FBLN5: variants seen among roughly 807,000 people sequenced by gnomAD.
The protein encoded by FBLN5 is fibulin 5.
A neutral mutation model predicts 61.6 loss-of-function variants in FBLN5; 24 were observed. The observed-to-expected ratio is 0.39, with a 90% CI of 0.28 to 0.55. FBLN5 has a LOEUF of 0.55. Ranked by LOEUF, FBLN5 falls within the 20% of genes least tolerant of loss-of-function variation. The probability of loss-of-function intolerance (pLI) is 0.65; values close to 1 mark genes in which losing one functional copy is unlikely to be tolerated. For missense variants in FBLN5, 470 were observed against 594.1 expected, an observed-to-expected ratio of 0.79 and a Z score of 2.17; for synonymous variants, 213 against 219.8, an observed-to-expected ratio of 0.97 and a Z score of 0.27.
At chr14:91,934,095 A>G (rs1252799805) in intron 4 of FBLN5, among the ~76,000 whole-genome samples, 1 of 152,100 alleles carries the variant, frequency 6.6e-6, no homozygotes, top group Non-Finnish European at 1.5e-5. Flanking sequence ...AGTCCCAGCT[A>G]CTTGGGAGGC....
intron 9 of FBLN5, chr14:91,878,169 G>A (rs377474572): frequency 3.3e-6 from 1 of 306,270 alleles, no homozygotes; most frequent in Admixed American, 4.7e-5. Context: ...TTACTGAATC[G>A]AATATAATCA....
chr14:91,914,681 A>G (rs370559801), intron 4 of FBLN5, among the ~76,000 whole-genome samples: 1 of 152,020 alleles, frequency 6.6e-6, no homozygotes, highest in African/African-American at 2.4e-5. Context: ...CAAAACATAG[A>G]AAGAAAAGAA....
At chr14:91,937,737 G>A (rs1310607322) in intron 3 of FBLN5, among the ~76,000 whole-genome samples, 3 of 152,138 alleles carry the variant, frequency 2.0e-5, no homozygotes, top group East Asian at 1.9e-4. Context: ...CTCACCAGAT[G>A]GAGATCCTCA....
At chr14:91,936,870 T>A (rs559403924) in intron 4 of FBLN5, 77 bp downstream of exon 4, 1 of 1,555,770 alleles carries the variant, frequency 6.4e-7, no homozygotes, top group East Asian at 2.2e-5. Context: ...AACAACCCAT[T>A]TGTGGTGAGC....
At chr14:91,946,911 C>G (rs540746468) in intron 1 of FBLN5, 10 of 1,461,018 alleles carry the variant, frequency 6.8e-6, no homozygotes, top group Non-Finnish European at 9.0e-6. Flanking sequence ...TCCCTTAAAA[C>G]GACAAAGTTG....
At chr14:91,872,701 C>T (rs887095841) in intron 10 of FBLN5, among the ~76,000 whole-genome samples, 2 of 152,170 alleles carry the variant, frequency 1.3e-5, no homozygotes, top group Admixed American at 6.5e-5. Context: ...CTCCTGTTCC[C>T]GTCAGCATCC....
intron 4 of FBLN5, among the ~76,000 whole-genome samples, chr14:91,920,933 A>G (rs2055722648): frequency 6.6e-6 from 1 of 152,198 alleles, no homozygotes; most frequent in African/African-American, 2.4e-5. Flanking sequence ...ACCCAACTCC[A>G]ATCTGGCAAA....
intron 9 of FBLN5, 84 bp downstream of exon 9, chr14:91,881,208 G>A: frequency 6.6e-7 from 1 of 1,520,652 alleles, no homozygotes; most frequent in Non-Finnish European, 9.1e-7. Flanking sequence ...CCTGGCTGGT[G>A]CACTCTCTTT....
Position 91,870,381 on chromosome 14 carries a change from G to A in FBLN5, c.1190C>T (p.Thr397Met), listed in dbSNP as rs138577384. 29 of 1,613,732 alleles carry A rather than the reference G, an allele frequency of 1.8e-5. No homozygotes were observed. The highest frequency in any genetic ancestry group is 3.3e-5 in the Admixed American group (2 of 60,034). Residue 397 changes from threonine to methionine, a missense_variant, in exon 11 of 11, where the codon ACG (threonine) becomes ATG (methionine). By Grantham distance (81) the Thr-to-Met change is moderately conservative. Transcript: ENST00000342058. The part of the protein sequence containing the change: ...NEGREFYMRQ[T>M]GPISATLVMT... Reference sequence around the variant, plus strand: ...CACCAGGGTGGCACTGATGGGGCCCGTTTGCTATGGACAGAACCGGGGAAC... The same window carrying A: ...CACCAGGGTGGCACTGATGGGGCCCATTTGCTATGGACAGAACCGGGGAAC...
At chr14:91,942,834 T>C in intron 2 of FBLN5, 73 bp downstream of exon 2, 1 of 951,874 alleles carries the variant, frequency 1.1e-6, no homozygotes, top group Non-Finnish European at 1.7e-6. Flanking sequence ...TAGGGTTCCG[T>C]AGCGCAAGGC....
intron 10 of FBLN5, among the ~76,000 whole-genome samples, chr14:91,872,068 C>A (rs1225218646): frequency 6.6e-6 from 1 of 152,106 alleles, no homozygotes; most frequent in African/African-American, 2.4e-5. Flanking sequence ...AAGCACAGGA[C>A]CCAGGTGGGG....
intron 4 of FBLN5, among the ~76,000 whole-genome samples, chr14:91,922,269 G>A (rs1343356032): frequency 6.6e-6 from 1 of 150,724 alleles, no homozygotes. Context: ...CTCCAGCCTG[G>A]GTGACAGAGC....
intron 4 of FBLN5, among the ~76,000 whole-genome samples, chr14:91,920,702 G>A (rs1595335360): frequency 6.6e-6 from 1 of 152,126 alleles, no homozygotes; most frequent in Admixed American, 6.5e-5. Context: ...GCAGCCTTGT[G>A]GTGGTTTATG....
chr14:91,921,718 G>T (rs546633580), intron 4 of FBLN5, among the ~76,000 whole-genome samples: 37 of 152,280 alleles, frequency 2.4e-4, no homozygotes, highest in African/African-American at 8.7e-4. Flanking sequence ...ACTCTCTAAG[G>T]GGTGCCATCT....
intron 10 of FBLN5, 147 bp downstream of exon 10, chr14:91,877,340 C>A: frequency 1.4e-6 from 1 of 702,672 alleles, no homozygotes; most frequent in South Asian, 1.6e-5. Context: ...TGGTGGAAAC[C>A]AGGACCTTGA....
At chr14:91,917,125 C>T (rs1429227366) in intron 4 of FBLN5, among the ~76,000 whole-genome samples, 2 of 152,182 alleles carry the variant, frequency 1.3e-5, no homozygotes, top group East Asian at 1.9e-4. Flanking sequence ...GAGCTGCCAG[C>T]GGCCTCCACT....
In FBLN5 at chr14:91,870,337, C is replaced by G; in HGVS notation, c.1234G>C (p.Gly412Arg). ...AAGTCCAGCTGGATTTCCCGGGGCCCTTTGATGGGGCGTGTCATCACCAGG... is the reference window on the plus strand; with the variant it reads ...AAGTCCAGCTGGATTTCCCGGGGCCGTTTGATGGGGCGTGTCATCACCAGG... ...ATLVMTRPIK[G>R]PREIQLDLEM... Residue 412 changes from glycine to arginine, a missense_variant, in exon 11 of 11, where the codon GGG (glycine) becomes CGG (arginine). Transcript: ENST00000342058. 1 of 1,614,196 alleles carries G rather than the reference C, an allele frequency of 6.2e-7. No individual in the cohort carries two copies.
intron 7 of FBLN5, among the ~76,000 whole-genome samples, chr14:91,885,265 T>C (rs1228366205): frequency 2.6e-5 from 4 of 152,144 alleles, no homozygotes; most frequent in Non-Finnish European, 1.5e-5. Flanking sequence ...AGTTGGCCAT[T>C]TGGGGCAAAA....
chr14:91,871,525 C>T lies in FBLN5; in HGVS notation c.1186-1140G>A, dbSNP rs1400209212. On this transcript the variant is annotated intron_variant, in intron 10 of 10. Transcript: ENST00000342058. ...AACTGAGCACCCATCATGTGTGAGG[C>T]ACTCTTCTAACCATGTTTATGTACA... Among the ~76,000 whole-genome samples the T allele has an allele frequency of 3.3e-5, 5 of 152,260 alleles. No individual in the cohort carries two copies. The East Asian group carries it at 9.7e-4, about 29-fold the overall frequency.
Sources: allele counts gnomAD v4.1 joint callset (sites outside exome capture counted in the v4.1 genomes callset), GRCh38; gene constraint gnomAD v4.1.1; transcripts MANE v1.5; gene names NCBI Gene and HGNC (gene_info 2026-07-23, HGNC 2026-07-21).